Variants in ADGRG7 observed in about 807,000 individuals in gnomAD.
ADGRG7 encodes G-protein coupled receptor 128.
In ADGRG7, 82 loss-of-function variants were observed where a neutral mutation model predicts 88.6. The ratio of observed to expected loss-of-function variants is 0.93; its 90% CI spans 0.77 to 1.11. The LOEUF is 1.11. Ranked by LOEUF, ADGRG7 falls within the 50% of genes most tolerant of loss-of-function variation. ADGRG7 has a pLI of 0.00. For synonymous variants in ADGRG7, 381 were observed against 345.2 expected (o/e 1.10, Z -1.15); for missense variants, 945 against 953.4 (o/e 0.99, Z 0.12).
At chr3:100,640,880 C>T (rs1707632037) in intron 6 of ADGRG7, among the ~76,000 whole-genome samples, 1 of 152,130 alleles carries the variant, frequency 6.6e-6, no homozygotes, top group Non-Finnish European at 1.5e-5. Context: ...GACCTTTGAT[C>T]TCATATTGAA....
Position 100,648,360 on chromosome 3 carries a change from T to A in ADGRG7, c.1267-1335T>A, listed in dbSNP as rs1207244423. On this transcript the variant is annotated intron_variant, in intron 10 of 15. Transcript: ENST00000273352. ...TGAGTGAAAAATATTATTTTTAAAATCTGAAGACCTATGAATCTTACGATC... is the reference window on the plus strand; with the variant it reads ...TGAGTGAAAAATATTATTTTTAAAAACTGAAGACCTATGAATCTTACGATC... 2.6e-5 allele frequency among the ~76,000 whole-genome samples: 4 copies of A among 152,240 alleles called. No individual in the cohort carries two copies. The South Asian group carries it at 6.2e-4, about 24-fold the overall frequency.
At chr3:100,687,102 T>C (rs974122309) in intron 15 of ADGRG7, among the ~76,000 whole-genome samples, 5 of 152,342 alleles carry the variant, frequency 3.3e-5, no homozygotes, top group Admixed American at 3.3e-4. Flanking sequence ...TCACATCCCT[T>C]GTACATTAGA....
chr3:100,623,780 T>A (rs1017075740), intron 1 of ADGRG7, among the ~76,000 whole-genome samples: 4 of 152,146 alleles, frequency 2.6e-5, no homozygotes, highest in African/African-American at 9.7e-5. Context: ...AACTTCCACA[T>A]ATAAGTGAGA....
At chr3:100,614,794 C>A (rs1707201713) in intron 1 of ADGRG7, among the ~76,000 whole-genome samples, 1 of 152,024 alleles carries the variant, frequency 6.6e-6, no homozygotes, top group African/African-American at 2.4e-5. Context: ...TATTTGGAAT[C>A]TTTAATATTA....
intron 1 of ADGRG7, among the ~76,000 whole-genome samples, chr3:100,623,686 TG>T (rs1707343253): frequency 6.6e-6 from 1 of 152,152 alleles, no homozygotes; most frequent in South Asian, 2.1e-4. Flanking sequence ...TTTGTCTTAA[TG>T]CTCTCCCTCC....
chr3:100,627,045 A>G (rs1233228371), intron 1 of ADGRG7, among the ~76,000 whole-genome samples: 7 of 152,150 alleles, frequency 4.6e-5, no homozygotes, highest in Non-Finnish European at 7.4e-5. Context: ...ATTCCTTCTT[A>G]ATTTTACACT....
At chr3:100,680,932 A>G (rs1227986066) in intron 15 of ADGRG7, among the ~76,000 whole-genome samples, 1 of 152,192 alleles carries the variant, frequency 6.6e-6, no homozygotes, top group East Asian at 1.9e-4. Flanking sequence ...TCTGAACTTC[A>G]TGAAGTGTTT....
chr3:100,660,939 C>T (rs1345288560), intron 14 of ADGRG7, among the ~76,000 whole-genome samples: 2 of 144,728 alleles, frequency 1.4e-5, no homozygotes, highest in African/African-American at 5.3e-5. Flanking sequence ...GCAACAAGAG[C>T]GAAACTCCAT....
At chr3:100,630,218 T>TTTTTAAA (rs1707441227) in intron 2 of ADGRG7, among the ~76,000 whole-genome samples, 1 of 152,180 alleles carries the variant, frequency 6.6e-6, no homozygotes, top group Non-Finnish European at 1.5e-5. Context: ...TTCAAGGCCA[T>TTTTTAAA]TTTTAAATTT....
At chr3:100,635,193 A>C (rs1337414031) in intron 4 of ADGRG7, among the ~76,000 whole-genome samples, 1 of 151,496 alleles carries the variant, frequency 6.6e-6, no homozygotes, top group Non-Finnish European at 1.5e-5. Context: ...CAGTTCAAAA[A>C]ATTTTGAACC....
At chr3:100,634,596 G>A (rs571927225) in intron 4 of ADGRG7, among the ~76,000 whole-genome samples, 1 of 152,142 alleles carries the variant, frequency 6.6e-6, no homozygotes, top group Non-Finnish European at 1.5e-5. Context: ...AATCACAGAT[G>A]GGCAGGGTAG....
chr3:100,663,333 T>A (rs2094947943), intron 14 of ADGRG7, among the ~76,000 whole-genome samples: 1 of 152,106 alleles, frequency 6.6e-6, no homozygotes, highest in Non-Finnish European at 1.5e-5. Flanking sequence ...TTCAAAAACA[T>A]TAAAAACACT....
chr3:100,628,844 T>C (rs903964034), intron 1 of ADGRG7, among the ~76,000 whole-genome samples: 1 of 152,254 alleles, frequency 6.6e-6, no homozygotes, highest in Middle Eastern at 3.4e-3. Context: ...ATTTAACTGG[T>C]TTTCCTTCCC....
At chr3:100,688,671 A>C (rs1442233172) in intron 15 of ADGRG7, among the ~76,000 whole-genome samples, 1 of 152,128 alleles carries the variant, frequency 6.6e-6, no homozygotes, top group African/African-American at 2.4e-5. Context: ...TTCAGTTTCC[A>C]TGTAGTTGAG....
At chr3:100,621,354 C>G (rs1707309056) in intron 1 of ADGRG7, among the ~76,000 whole-genome samples, 1 of 152,098 alleles carries the variant, frequency 6.6e-6, no homozygotes, top group African/African-American at 2.4e-5. Flanking sequence ...AAACAGTTAG[C>G]CAAATTGTGA....
chr3:100,690,247 G>A (rs1018621208), intron 15 of ADGRG7, among the ~76,000 whole-genome samples: 2 of 152,072 alleles, frequency 1.3e-5, no homozygotes, highest in Non-Finnish European at 2.9e-5. Flanking sequence ...GGACTTCTCT[G>A]TATTGGTTAT....
At chr3:100,610,916 T>C (rs1707138578) in intron 1 of ADGRG7, among the ~76,000 whole-genome samples, 1 of 152,186 alleles carries the variant, frequency 6.6e-6, no homozygotes, top group Non-Finnish European at 1.5e-5. Flanking sequence ...AAAGATCCAG[T>C]GTTGAAGACC....
chr3:100,622,181 G>A (rs1156621521), intron 1 of ADGRG7, among the ~76,000 whole-genome samples: 1 of 151,294 alleles, frequency 6.6e-6, no homozygotes, highest in Non-Finnish European at 1.5e-5. Context: ...CTGTACTAGA[G>A]TTTTATAGTT....
At chr3:100,616,140 C>G (rs1055234768) in intron 1 of ADGRG7, among the ~76,000 whole-genome samples, 1 of 151,946 alleles carries the variant, frequency 6.6e-6, no homozygotes, top group African/African-American at 2.4e-5. Flanking sequence ...GCCCCAGGAT[C>G]GTAAAAGAAG....
Sources: gnomAD v4.1 joint callset for allele counts (sites outside exome capture counted in the v4.1 genomes callset) on GRCh38, gnomAD v4.1.1 for gene constraint, MANE v1.5 for transcripts, NCBI Gene and HGNC (gene_info 2026-07-23, HGNC 2026-07-21) for gene names.